LOXHD1: variants seen among roughly 807,000 people sequenced by gnomAD.
The protein encoded by LOXHD1 is lipoxygenase homology PLAT domains 1.
A neutral mutation model predicts 248.2 loss-of-function variants in LOXHD1; 205 were observed. The ratio of observed to expected loss-of-function variants is 0.83; its 90% CI spans 0.74 to 0.93. The LOEUF is 0.93. Ranked by LOEUF, LOXHD1 falls within the 40% of genes least tolerant of loss-of-function variation. The pLI is 0.00. For missense variants in LOXHD1, 2,930 were observed against 2,971.6 expected, an observed-to-expected ratio of 0.99 and a Z score of 0.33; for synonymous variants, 1,113 against 1,162.8, an observed-to-expected ratio of 0.96 and a Z score of 0.87.
At position 46,601,472 on chromosome 18, in the gene LOXHD1, T is replaced by C. The variant is rs1438596888; in HGVS notation, c.884-5A>G. 1 of 1,551,780 alleles carries C rather than the reference T, an allele frequency of 6.4e-7. No individual in the cohort carries two copies. Among genetic ancestry groups the C allele is most frequent in the Non-Finnish European group, 8.7e-7 (1 of 1,147,018 alleles). On this transcript the variant is annotated splice_region_variant and splice_polypyrimidine_tract_variant and intron_variant, in intron 7 of 40. Coordinates refer to ENST00000642948, the MANE Select transcript of LOXHD1 (RefSeq NM_001384474.1). ...CGGTGACAATATACGTAATAGCTGG[T>C]GTGGAAACAACAGGAAAGAGAGTGT...
chr18:46,641,846 C>A, intron 3 of LOXHD1, 110 bp downstream of exon 3: 3 of 1,079,006 alleles, frequency 2.8e-6, no homozygotes, highest in South Asian at 1.4e-5. Context: ...CCTTTGGTAG[C>A]CCCTCAAATA....
chr18:46,510,804 A>G (rs1282277597), intron 34 of LOXHD1, among the ~76,000 whole-genome samples: 2 of 152,186 alleles, frequency 1.3e-5, no homozygotes, highest in African/African-American at 4.8e-5. Flanking sequence ...GCATTTTACA[A>G]TTATTAGAAG....
rs146343485 is a variant in LOXHD1, at chr18:46,480,388, C to T, written c.6342-2436G>A. ...TATGGGGATGTCAGTGTTCCCTTTA[C>T]AAAACGGCATCACATAAGACATGTT... On this transcript the variant is annotated intron_variant, in intron 40 of 40. Transcript: ENST00000642948. Among the ~76,000 whole-genome samples the T allele has an allele frequency of 3.7e-3, 564 of 152,284 alleles. 2 individuals carry two copies. The highest frequency in any genetic ancestry group is 0.013 in the African/African-American group (542 of 41,536).
intron 38 of LOXHD1, among the ~76,000 whole-genome samples, chr18:46,487,675 T>A (rs976565204): frequency 2.0e-5 from 3 of 152,192 alleles, no homozygotes; most frequent in Non-Finnish European, 4.4e-5. Flanking sequence ...ATGGAAGCTA[T>A]TAAGCTGAAA....
chr18:46,560,064 C>T lies in LOXHD1; in HGVS notation c.3061+19G>A. The T allele has an allele frequency of 1.4e-6, 2 of 1,449,904 alleles. No individual in the cohort carries two copies. The highest frequency in any genetic ancestry group is 2.2e-5 in the Admixed American group (1 of 46,252). 89.8% of individuals were successfully genotyped at this position (1,449,904 alleles called of 1,614,324 possible). On this transcript the variant is annotated intron_variant, in intron 19 of 40. Coordinates refer to ENST00000642948, the MANE Select transcript of LOXHD1 (RefSeq NM_001384474.1). ...TCTGGCCACTCCCTCCCCACCCCCA[C>T]CCCCCACGACCCACTTACGCTCAGG...
intron 34 of LOXHD1, among the ~76,000 whole-genome samples, chr18:46,515,752 G>A: frequency 6.6e-6 from 1 of 152,204 alleles, no homozygotes; most frequent in East Asian, 1.9e-4. Context: ...ATAGTAGCCA[G>A]ACCATGTATG....
chr18:46,541,363 C>G lies in LOXHD1; in HGVS notation c.3913+413G>C, dbSNP rs2036550593. Among the ~76,000 whole-genome samples the G allele has an allele frequency of 2.0e-5, 3 of 152,110 alleles. No individual in the cohort carries two copies. The South Asian group carries it at 6.2e-4, about 32-fold the overall frequency. On this transcript the variant is annotated intron_variant, in intron 25 of 40. Coordinates refer to ENST00000642948, the MANE Select transcript of LOXHD1 (RefSeq NM_001384474.1). ...GTATACCACCTGAGAAAATCTTATA[C>G]TGCTGACTTATTTGGCATGTTAATG...
chr18:46,630,248 G>A (rs1035024764), intron 4 of LOXHD1, among the ~76,000 whole-genome samples: 1 of 152,328 alleles, frequency 6.6e-6, no homozygotes, highest in South Asian at 2.1e-4. Flanking sequence ...CGCAGCTCTT[G>A]GCTTCAGAGG....
Position 46,521,149 on chromosome 18 carries a change from G to A in LOXHD1, c.5219C>T (p.Thr1740Ile), listed in dbSNP as rs752649753. The change falls in exon 33 of 41, where the codon ACC becomes ATC. Residue 1740 changes from threonine to isoleucine, a missense_variant. Physicochemically the swap from Thr to Ile is moderately conservative, Grantham distance 89 (BLOSUM62 -1). Transcript: ENST00000642948. ...ATCCAAGAGGTCGAAGACACGGGAGGTGATGCCGTCGCCTCTGTCCTTGGC... is the reference window on the plus strand; with the variant it reads ...ATCCAAGAGGTCGAAGACACGGGAGATGATGCCGTCGCCTCTGTCCTTGGC... ...WLAKDRGDGI[T>I]SRVFDLLDAM... 1.3e-6 allele frequency: 2 copies of A among 1,551,772 alleles called. No individual in the cohort carries two copies. Among genetic ancestry groups the A allele is most frequent in the African/African-American group, 1.4e-5 (1 of 73,194 alleles).
At chr18:46,509,857 A>C in intron 34 of LOXHD1, 42 bp from the exon 35 acceptor site, 1 of 463,794 alleles carries the variant, frequency 2.2e-6, no homozygotes, top group Non-Finnish European at 4.2e-6. Flanking sequence ...GAAGCTGGCC[A>C]TTGGGGAGGG....
chr18:46,528,493 G>C (rs2035920729), intron 29 of LOXHD1, among the ~76,000 whole-genome samples: 1 of 152,148 alleles, frequency 6.6e-6, no homozygotes, highest in Non-Finnish European at 1.5e-5. Flanking sequence ...ACATCACCCA[G>C]TCATGTGGTT....
intron 23 of LOXHD1, among the ~76,000 whole-genome samples, chr18:46,544,510 C>A (rs1457164726): frequency 1.3e-5 from 2 of 152,206 alleles, no homozygotes; most frequent in Non-Finnish European, 2.9e-5. Flanking sequence ...TTTATCCAAC[C>A]TATTAAATAA....
chr18:46,489,270 C>T lies in LOXHD1; in HGVS notation c.5879-128G>A, dbSNP rs2033297029. The T allele has an allele frequency of 1.8e-5, 17 of 964,190 alleles. 1 individual carries two copies. The South Asian group carries it at 2.5e-4, about 14-fold the overall frequency. The allele number at this position is 964,190 out of a possible 1,614,324, so 59.7% of individuals were successfully genotyped here. A position where few individuals can be genotyped will look rare whatever the true frequency, so the allele number is the denominator to read the frequency against. On this transcript the variant is annotated intron_variant, in intron 37 of 40. Coordinates refer to ENST00000642948, the MANE Select transcript of LOXHD1 (RefSeq NM_001384474.1). ...TTATCTGTCCTCTTTGGGCCTTGAT[C>T]TCCTTGTTGATAAAGTGAGGGGTTG...
At chr18:46,567,148 G>A (rs1049448799) in intron 16 of LOXHD1, among the ~76,000 whole-genome samples, 8 of 152,178 alleles carry the variant, frequency 5.3e-5, no homozygotes, top group Non-Finnish European at 1.2e-4. Context: ...TTCAATGTTT[G>A]GATTGCTTTT....
intron 21 of LOXHD1, 29 bp downstream of exon 21, chr18:46,557,327 C>T (rs772379983): frequency 8.4e-6 from 13 of 1,552,268 alleles, no homozygotes; most frequent in African/African-American, 6.8e-5. Context: ...AGAGCAACAC[C>T]CCTCCCTGCC....
intron 11 of LOXHD1, 87 bp from the exon 12 acceptor site, chr18:46,592,155 G>A: frequency 6.7e-7 from 1 of 1,490,044 alleles, no homozygotes; most frequent in Non-Finnish European, 9.2e-7. Flanking sequence ...TCTCATTGCA[G>A]AGAAGCCAAG....
At chr18:46,575,606 A>G (rs2037837859) in intron 14 of LOXHD1, among the ~76,000 whole-genome samples, 1 of 152,224 alleles carries the variant, frequency 6.6e-6, no homozygotes, top group African/African-American at 2.4e-5. Flanking sequence ...ATCACAAGCC[A>G]GTGAACTCTG....
chr18:46,544,977 T>C (rs1407219508), intron 23 of LOXHD1: 1 of 486,498 alleles, frequency 2.1e-6, no homozygotes, highest in Non-Finnish European at 4.2e-6. Flanking sequence ...TCTGAGTACC[T>C]GAGCAAAGGC....
intron 35 of LOXHD1, 51 bp downstream of exon 35, chr18:46,509,647 G>T (rs779887064): frequency 1.6e-5 from 21 of 1,334,662 alleles, no homozygotes; most frequent in Middle Eastern, 3.6e-4. Flanking sequence ...AGGAACCAGG[G>T]GAAGGGGTGG....
Sources: allele counts gnomAD v4.1 joint callset (sites outside exome capture counted in the v4.1 genomes callset), GRCh38; gene constraint gnomAD v4.1.1; transcripts MANE v1.5; gene names NCBI Gene and HGNC (gene_info 2026-07-23, HGNC 2026-07-21).